XIRP2: variants seen among roughly 807,000 people sequenced by gnomAD.
XIRP2 encodes the protein xin actin-binding repeat-containing protein 2.
In XIRP2, 236 loss-of-function variants were observed where a neutral mutation model predicts 277.0. That is an observed-to-expected ratio of 0.85 (90% CI 0.77 to 0.95). XIRP2 has a LOEUF of 0.95. XIRP2 is among the 40% of genes least tolerant of loss of function. XIRP2 has a pLI of 0.00. For synonymous variants in XIRP2, 1,490 were observed against 1,416.5 expected (o/e 1.05, Z -1.17); for missense variants, 4,640 against 4,157.5 (o/e 1.12, Z -3.19).
intron 2 of XIRP2, among the ~76,000 whole-genome samples, chr2:166,978,150 T>C (rs1291111888): frequency 6.6e-6 from 1 of 152,210 alleles, no homozygotes; most frequent in Non-Finnish European, 1.5e-5. Flanking sequence ...CTCATCATGT[T>C]GCATTGGCGC....
intron 3 of XIRP2, among the ~76,000 whole-genome samples, chr2:167,172,433 T>C (rs976532524): frequency 5.3e-5 from 8 of 152,204 alleles, no homozygotes; most frequent in Non-Finnish European, 8.8e-5. Flanking sequence ...ACAAGCAGTC[T>C]GACCAAAATT....
intron 3 of XIRP2, among the ~76,000 whole-genome samples, chr2:167,182,573 C>G (rs1017486535): frequency 1.3e-5 from 2 of 152,062 alleles, no homozygotes; most frequent in African/African-American, 4.8e-5. Context: ...AAATAATATC[C>G]CAAATAATCC....
rs551331171 is a variant in XIRP2 at position 167,017,021 on chromosome 2, C to G, written c.408+113131C>G. On this transcript the variant is annotated intron_variant, in intron 2 of 10. Transcript: ENST00000409195. Reference sequence around the variant, plus strand: ...TTGGTCTGGGTGTCAGTCAACTATACTCTTCACAGTGGGAGATCTGAGCAT... The same window carrying G: ...TTGGTCTGGGTGTCAGTCAACTATAGTCTTCACAGTGGGAGATCTGAGCAT... Among the ~76,000 whole-genome samples the G allele has an allele frequency of 3.9e-5, 6 of 152,076 alleles. No individual in the cohort carries two copies. The South Asian group carries it at 1.0e-3, about 26-fold the overall frequency.
At chr2:167,145,505 A>C (rs1691839727) in intron 3 of XIRP2, among the ~76,000 whole-genome samples, 1 of 152,194 alleles carries the variant, frequency 6.6e-6, no homozygotes, top group African/African-American at 2.4e-5. Context: ...GTAGCAACAC[A>C]TGCAGTGAGA....
intron 1 of XIRP2, among the ~76,000 whole-genome samples, chr2:166,900,619 C>T (rs1043652333): frequency 5.3e-5 from 8 of 152,032 alleles, no homozygotes; most frequent in African/African-American, 1.9e-4. Flanking sequence ...CCTTTGACTC[C>T]CTGAAGAAGG....
chr2:166,903,472 T>C lies in XIRP2; in HGVS notation c.-11T>C. On this transcript the variant is annotated 5_prime_UTR_variant, in exon 2 of 11. Coordinates refer to ENST00000409195, the MANE Select transcript of XIRP2 (RefSeq NM_152381.6). ...GGATTCTTGATATTGCAGGACAACC[T>C]GGACCCATCCATGTTCCCAATGCAG... 6.2e-7 allele frequency: 1 copy of C among 1,607,890 alleles called. No individual in the cohort carries two copies. The highest frequency in any genetic ancestry group is 8.5e-7 in the Non-Finnish European group (1 of 1,176,450).
chr2:167,012,686 T>C (rs1024466840), intron 2 of XIRP2, among the ~76,000 whole-genome samples: 1 of 151,614 alleles, frequency 6.6e-6, no homozygotes. Context: ...CAATGGTTAT[T>C]TTAGCCACAG....
At position 167,211,127 on chromosome 2, in the gene XIRP2, C is replaced by T. The variant is rs1040437350; in HGVS notation, c.723+232C>T. ...TATTTATTTTTTATTTTTTTTGAGA[C>T]AGAGTCTTGCTCTGTCATCCAGGCT... On this transcript the variant is annotated intron_variant, in intron 4 of 10. Transcript: ENST00000409195. 2.0e-5 allele frequency among the ~76,000 whole-genome samples: 3 copies of T among 152,128 alleles called. 1 individual carries two copies. The South Asian group carries it at 6.2e-4, about 32-fold the overall frequency.
Position 167,246,778 on chromosome 2 carries a change from C to G in XIRP2, c.5386C>G (p.Gln1796Glu), listed in dbSNP as rs1447072328. 6.2e-7 allele frequency: 1 copy of G among 1,613,826 alleles called. No individual in the cohort carries two copies. Among genetic ancestry groups the G allele is most frequent in the Non-Finnish European group, 8.5e-7 (1 of 1,179,832 alleles). The part of the protein sequence containing the change: ...EGTKLLLKKR[Q>E]SLVERTVSET... ...TACAAAACTGTTACTGAAGAAAAGG[C>G]AGTCTCTGGTTGAACGTACTGTTAG... Residue 1796 changes from glutamine (Q) to glutamate (E), a missense_variant, in exon 9 of 11, where the codon CAG becomes GAG. Coordinates refer to ENST00000409195, the MANE Select transcript of XIRP2 (RefSeq NM_152381.6).
At chr2:167,177,000 C>T (rs1475809335) in intron 3 of XIRP2, among the ~76,000 whole-genome samples, 7 of 152,220 alleles carry the variant, frequency 4.6e-5, no homozygotes, top group Non-Finnish European at 8.8e-5. Context: ...TTTCTCTCTT[C>T]AATCCTTCCA....
chr2:167,221,281 A>G (rs1445822048), intron 5 of XIRP2, among the ~76,000 whole-genome samples: 1 of 151,940 alleles, frequency 6.6e-6, no homozygotes, highest in Non-Finnish European at 1.5e-5. Flanking sequence ...CTTGACCAAC[A>G]TGGAGAAACC....
chr2:167,081,253 G>T (rs1234092611), intron 2 of XIRP2, among the ~76,000 whole-genome samples: 1 of 152,030 alleles, frequency 6.6e-6, no homozygotes, highest in Non-Finnish European at 1.5e-5. Context: ...ATCACTTGAG[G>T]CTGGGATTTT....
intron 2 of XIRP2, among the ~76,000 whole-genome samples, chr2:166,933,380 C>A (rs1315158196): frequency 6.6e-6 from 1 of 151,944 alleles, no homozygotes; most frequent in Non-Finnish European, 1.5e-5. Flanking sequence ...GATCTCCTGA[C>A]CTCGTGATCC....
chr2:167,118,482 GATAAAATAAA>G (rs11270871), intron 2 of XIRP2, among the ~76,000 whole-genome samples: 1,625 of 122,166 alleles, frequency 0.013, 51 homozygotes, highest in East Asian at 0.13. Flanking sequence ...ACTCTGTCTC[GATAAAATAAA>G]ATAAAATAAA....
chr2:167,129,569 G>T (rs910316722), intron 2 of XIRP2, among the ~76,000 whole-genome samples: 1 of 151,984 alleles, frequency 6.6e-6, no homozygotes, highest in Non-Finnish European at 1.5e-5. Flanking sequence ...TTATACATAT[G>T]TTAAAGCAAT....
chr2:167,070,271 C>T (rs1689405503), intron 2 of XIRP2, among the ~76,000 whole-genome samples: 1 of 151,938 alleles, frequency 6.6e-6, no homozygotes, highest in Non-Finnish European at 1.5e-5. Flanking sequence ...ACCAAGAAGC[C>T]GATAAATATT....
At chr2:167,117,516 C>T (rs1415391210) in intron 2 of XIRP2, among the ~76,000 whole-genome samples, 1 of 152,204 alleles carries the variant, frequency 6.6e-6, no homozygotes, top group African/African-American at 2.4e-5. Flanking sequence ...AAGCCTCAGT[C>T]ACCAGTTCCC....
chr2:167,115,147 T>C (rs1351165671), intron 2 of XIRP2, among the ~76,000 whole-genome samples: 1 of 152,192 alleles, frequency 6.6e-6, no homozygotes, highest in Non-Finnish European at 1.5e-5. Flanking sequence ...CTAACTGGTG[T>C]GAGATGGTAT....
At chr2:166,911,871 C>G (rs1307670920) in intron 2 of XIRP2, among the ~76,000 whole-genome samples, 52 of 152,124 alleles carry the variant, frequency 3.4e-4, no homozygotes, top group Admixed American at 3.4e-3. Flanking sequence ...ACTTATGAAG[C>G]TTAGTTTGGC....
Sources: allele counts gnomAD v4.1 joint callset (sites outside exome capture counted in the v4.1 genomes callset), GRCh38; gene constraint gnomAD v4.1.1; transcripts MANE v1.5; gene names NCBI Gene and HGNC (gene_info 2026-07-23, HGNC 2026-07-21).